The following FGFR1 variants were observed in gnomAD, a reference collection of about 807,000 sequenced individuals.
FGFR1 encodes the protein FGFR1/PLAG1 fusion.
Under a neutral mutation model 93.7 loss-of-function variants are expected in FGFR1, and 18 were observed. The observed-to-expected ratio is 0.19, with a 90% CI of 0.13 to 0.28. The LOEUF is 0.28. FGFR1 is among the 10% of genes least tolerant of loss of function. The probability of loss-of-function intolerance (pLI) is 1.00; values close to 1 mark genes in which losing one functional copy is unlikely to be tolerated. For synonymous variants in FGFR1, 448 were observed against 429.3 expected (o/e 1.04, Z -0.54); for missense variants, 731 against 1,080.4 (o/e 0.68, Z 4.53).
At position 38,424,207 on chromosome 8, in the gene FGFR1, G is replaced by C. The variant is rs759938152; in HGVS notation, c.936+302C>G. The C allele has an allele frequency of 2.1e-5, 11 of 535,262 alleles. No individual in the cohort carries two copies. Among genetic ancestry groups the C allele is most frequent in the Non-Finnish European group, 3.9e-5 (11 of 281,246 alleles). The allele number at this position is 535,262 out of a possible 1,614,324, so 33.2% of individuals were successfully genotyped here. A position where few individuals can be genotyped will look rare whatever the true frequency, so the allele number is the denominator to read the frequency against. ...GGTTTCGGGCAATGAAAAGGCAGGGGTCCAAATGCCTTCCTTGTGTAGCTG... is the reference window on the plus strand; with the variant it reads ...GGTTTCGGGCAATGAAAAGGCAGGGCTCCAAATGCCTTCCTTGTGTAGCTG... On this transcript the variant is annotated intron_variant, in intron 7 of 17. Coordinates refer to ENST00000447712, the MANE Select transcript of FGFR1 (RefSeq NM_023110.3). This position sits in a 1 kb window ranked among gnomAD's most constrained non-coding sequence, Gnocchi z 4.3.
At chr8:38,438,140 T>C (rs1563549902) in intron 2 of FGFR1, among the ~76,000 whole-genome samples, 1 of 152,174 alleles carries the variant, frequency 6.6e-6, no homozygotes, top group Non-Finnish European at 1.5e-5. Context: ...ACTTATGAGG[T>C]TGATCCTACT....
At chr8:38,433,067 G>A (rs1823875131) in intron 2 of FGFR1, among the ~76,000 whole-genome samples, 1 of 152,202 alleles carries the variant, frequency 6.6e-6, no homozygotes, top group African/African-American at 2.4e-5. Context: ...GCTGGGTGCA[G>A]TGGCTTATGC....
At chr8:38,439,510 G>T (rs1256090034) in intron 2 of FGFR1, among the ~76,000 whole-genome samples, 1 of 152,024 alleles carries the variant, frequency 6.6e-6, no homozygotes, top group African/African-American at 2.4e-5. Context: ...ACATCCTCAG[G>T]ACTGCACAGG....
chr8:38,420,796 G>A (rs986266860), intron 8 of FGFR1, among the ~76,000 whole-genome samples: 1 of 152,126 alleles, frequency 6.6e-6, no homozygotes, highest in Non-Finnish European at 1.5e-5. Context: ...CATGAGGCAC[G>A]ACCCTAGACT....
Position 38,411,407 on chromosome 8 carries a change from G to C in FGFR1, c.*2221C>G, listed in dbSNP as rs1814388197. 1 of 222,250 alleles carries C rather than the reference G, an allele frequency of 4.5e-6. No homozygotes were observed. The highest frequency in any genetic ancestry group is 9.0e-6 in the Non-Finnish European group (1 of 111,188). The allele number at this position is 222,250 out of a possible 1,614,324, so 13.8% of individuals were successfully genotyped here. A position where few individuals can be genotyped will look rare whatever the true frequency, so the allele number is the denominator to read the frequency against. ...GGTCTCAAAGCAAATGCTTTTAAGA[G>C]CTAAAAATTCATTTCCTAGTTCTGT... On this transcript the variant is annotated 3_prime_UTR_variant, in exon 18 of 18. Transcript: ENST00000447712.
rs932929863 is a variant in FGFR1, at chr8:38,436,587, A to G, written c.92-6639T>C. 9.2e-5 allele frequency among the ~76,000 whole-genome samples: 14 copies of G among 152,008 alleles called. 1 individual carries two copies. Among genetic ancestry groups the G allele is most frequent in the Admixed American group, 9.2e-4 (14 of 15,252 alleles). ...ACCTTGGGAATTTGTGCAGGCTGCA[A>G]CCAGTGCTCCTTTTAGTGCGAGTGA... On this transcript the variant is annotated intron_variant, in intron 2 of 17. Coordinates refer to ENST00000447712, the MANE Select transcript of FGFR1 (RefSeq NM_023110.3).
intron 8 of FGFR1, chr8:38,419,972 G>A (rs961751854): frequency 4.9e-5 from 27 of 546,498 alleles, no homozygotes; most frequent in Non-Finnish European, 6.6e-5. Flanking sequence ...TAGAACCATC[G>A]TGCTACACAA....
intron 4 of FGFR1, 47 bp from the exon 5 acceptor site, chr8:38,428,140 C>G (rs370079677): frequency 6.2e-7 from 1 of 1,611,910 alleles, no homozygotes; most frequent in Non-Finnish European, 8.5e-7. Flanking sequence ...AGAGGAGCAG[C>G]TGGTCAGGCT....
chr8:38,461,751 G>A (rs894817591), intron 1 of FGFR1, among the ~76,000 whole-genome samples: 1 of 152,140 alleles, frequency 6.6e-6, no homozygotes, highest in African/African-American at 2.4e-5. Flanking sequence ...TGATTATGAG[G>A]CTCAAATGGG....
chr8:38,446,972 G>A (rs777627106), intron 2 of FGFR1, among the ~76,000 whole-genome samples: 2 of 152,110 alleles, frequency 1.3e-5, no homozygotes, highest in Non-Finnish European at 2.9e-5. Flanking sequence ...AAATGGCAGC[G>A]TCCATGGGGA....
In FGFR1 at chr8:38,468,436, G is replaced by A. The variant is rs1410103541; in HGVS notation, c.-544C>T. ...GTTCCGCGGCTTTTCAAGCAGCGGCGCGCTCGCGGCCGGGGAAGGCGAGGT... is the reference window on the plus strand; with the variant it reads ...GTTCCGCGGCTTTTCAAGCAGCGGCACGCTCGCGGCCGGGGAAGGCGAGGT... On this transcript the variant is annotated 5_prime_UTR_variant, in exon 1 of 18. Coordinates refer to ENST00000447712, the MANE Select transcript of FGFR1 (RefSeq NM_023110.3). 2 of 228,438 alleles carry A rather than the reference G, an allele frequency of 8.8e-6. No homozygotes were observed. The highest frequency in any genetic ancestry group is 4.4e-5 in the African/African-American group (2 of 44,986). 14.2% of individuals were successfully genotyped at this position (228,438 alleles called of 1,614,324 possible).
rs767349968 is a variant in FGFR1 at position 38,421,667 on chromosome 8, T to TG, written c.1081+129dup. On this transcript the variant is annotated intron_variant, in intron 8 of 17. Transcript: ENST00000447712. ...CAGCCCTCAAAGCTGGGGCAGGATG[T>TG]GGCACCAGGCAGGCAGGAGCCCATT... 4 of 962,376 alleles carry TG rather than the reference T, an allele frequency of 4.2e-6. No homozygotes were observed. The African/African-American group carries it at 6.4e-5, about 15-fold the overall frequency. 59.6% of individuals were successfully genotyped at this position (962,376 alleles called of 1,614,324 possible). A position where few individuals can be genotyped will look rare whatever the true frequency, so the allele number is the denominator to read the frequency against.
intron 12 of FGFR1, among the ~76,000 whole-genome samples, chr8:38,416,486 T>G (rs1816695987): frequency 7.0e-6 from 1 of 142,240 alleles, no homozygotes; most frequent in Non-Finnish European, 1.5e-5. Context: ...AGATGGAGTT[T>G]TGCTCGTTGC....
chr8:38,445,838 C>T (rs990654019), intron 2 of FGFR1, among the ~76,000 whole-genome samples: 2 of 151,944 alleles, frequency 1.3e-5, no homozygotes, highest in South Asian at 2.1e-4. Context: ...TGTGCCTGGC[C>T]GCAAGTGACA....
chr8:38,425,842 C>A (rs1820573162), intron 6 of FGFR1: 2 of 484,640 alleles, frequency 4.1e-6, no homozygotes, highest in Non-Finnish European at 7.6e-6. Flanking sequence ...ACATTTAACA[C>A]CTCTCCAACA....
At chr8:38,440,321 C>T in intron 2 of FGFR1, 1 of 1,604,996 alleles carries the variant, frequency 6.2e-7, no homozygotes, top group South Asian at 1.1e-5. Flanking sequence ...GCTGGCAGGA[C>T]CCGGCCAGAG....
chr8:38,419,680 G>A lies in FGFR1; in HGVS notation c.1137C>T (p.Ile379=), dbSNP rs762042419. ...MTSPLYLEII[I]YCTGAFLISC... The stretch of plus-strand genomic sequence containing the variant: ...AGATGAGGAAGGCCCCTGTGCAATA[G>A]ATGATGATCTCCAGGTACAGGGGCG... Residue 379 remains isoleucine (I), a synonymous_variant, in exon 9 of 18, where the codon ATC becomes ATT. Coordinates refer to ENST00000447712, the MANE Select transcript of FGFR1 (RefSeq NM_023110.3). The A allele has an allele frequency of 1.9e-6, 3 of 1,614,006 alleles. No individual in the cohort carries two copies. Among genetic ancestry groups the A allele is most frequent in the African/African-American group, 1.3e-5 (1 of 74,912 alleles).
At chr8:38,418,550 C>A in intron 9 of FGFR1, 177 bp from the exon 10 acceptor site, 1 of 700,366 alleles carries the variant, frequency 1.4e-6, no homozygotes, top group Non-Finnish European at 2.4e-6. Flanking sequence ...ACTTCTAGGA[C>A]TGACCTATTT....
At chr8:38,438,568 T>C (rs989604148) in intron 2 of FGFR1, among the ~76,000 whole-genome samples, 4 of 151,722 alleles carry the variant, frequency 2.6e-5, no homozygotes, top group Non-Finnish European at 5.9e-5. Flanking sequence ...AAGGAATTAT[T>C]ATCTTCAGAG....
Sources: allele counts gnomAD v4.1 joint callset (sites outside exome capture counted in the v4.1 genomes callset), GRCh38; gene constraint gnomAD v4.1.1; non-coding constraint Gnocchi (gnomAD v3.1); transcripts MANE v1.5; gene names NCBI Gene and HGNC (gene_info 2026-07-23, HGNC 2026-07-21).